The following ZSWIM6 variants were observed in gnomAD, a reference collection of about 807,000 sequenced individuals.
ZSWIM6 encodes the protein zinc finger SWIM-type containing 6.
ZSWIM6 carries 9 observed loss-of-function variants against 113.2 expected under a neutral mutation model. The ratio of observed to expected loss-of-function variants is 0.08; its 90% CI spans 0.05 to 0.14. ZSWIM6 has a LOEUF of 0.14. Ranked by LOEUF, ZSWIM6 falls within the 10% of genes least tolerant of loss-of-function variation. The probability of loss-of-function intolerance (pLI) is 1.00; values close to 1 mark genes in which losing one functional copy is unlikely to be tolerated. For missense variants in ZSWIM6, 1,162 were observed against 1,552.2 expected (o/e 0.75, Z 4.22); for synonymous variants, 611 against 606.5 (o/e 1.01, Z -0.11).
intron 2 of ZSWIM6, among the ~76,000 whole-genome samples, chr5:61,480,220 A>T (rs900901746): frequency 6.6e-6 from 1 of 152,226 alleles, no homozygotes; most frequent in Non-Finnish European, 1.5e-5. Context: ...TTATTTCTGT[A>T]CATGAATACG....
chr5:61,520,928 A>G (rs1192687986), intron 4 of ZSWIM6, among the ~76,000 whole-genome samples: 1 of 152,124 alleles, frequency 6.6e-6, no homozygotes, highest in African/African-American at 2.4e-5. Flanking sequence ...GTTGATTACT[A>G]TTGGCATTTG....
intron 1 of ZSWIM6, among the ~76,000 whole-genome samples, chr5:61,373,858 G>T (rs1248514334): frequency 1.3e-5 from 2 of 152,040 alleles, no homozygotes; most frequent in Admixed American, 1.3e-4. Flanking sequence ...ATAGGATGTA[G>T]TAGAAATGAA....
At chr5:61,470,173 C>T (rs940133594) in intron 1 of ZSWIM6, among the ~76,000 whole-genome samples, 1 of 152,196 alleles carries the variant, frequency 6.6e-6, no homozygotes, top group African/African-American at 2.4e-5. Flanking sequence ...TCCAATATCA[C>T]TTTTGCAGAG....
chr5:61,399,738 C>A (rs764591455), intron 1 of ZSWIM6, among the ~76,000 whole-genome samples: 9 of 152,190 alleles, frequency 5.9e-5, no homozygotes, highest in Non-Finnish European at 1.2e-4. Context: ...ATTTCTACTT[C>A]CCACGTCTGA....
At chr5:61,390,629 C>G (rs1745687160) in intron 1 of ZSWIM6, 3 of 714,330 alleles carry the variant, frequency 4.2e-6, no homozygotes, top group Non-Finnish European at 7.6e-6. Context: ...TGGAAAATAA[C>G]TTTTAAGACC....
rs1748054773 is a variant in ZSWIM6 at position 61,487,574 on chromosome 5, T to C, written c.1034-3212T>C. Among the ~76,000 whole-genome samples the C allele has an allele frequency of 2.0e-5, 3 of 152,046 alleles. No individual in the cohort carries two copies. The South Asian group carries it at 6.2e-4, about 32-fold the overall frequency. ...TCATCTTTAATTTCATTCATCACTG[T>C]TTTATAGTTTTTTTGTAGAAATATT... On this transcript the variant is annotated intron_variant, in intron 2 of 13. Transcript: ENST00000252744.
rs1008860860 is a variant in ZSWIM6 at position 61,544,650 on chromosome 5, G to A, written c.*333G>A. On this transcript the variant is annotated 3_prime_UTR_variant, in exon 14 of 14. Coordinates refer to ENST00000252744, the MANE Select transcript of ZSWIM6 (RefSeq NM_020928.2). ...CATAGCTCTCCTGTTTTCTGTATAC[G>A]TTCACAGCCTCAAAAAAAATAATTG... 1.4e-4 allele frequency: 21 copies of A among 154,240 alleles called. No homozygotes were observed. The highest frequency in any genetic ancestry group is 9.2e-4 in the Admixed American group (14 of 15,268). 9.6% of individuals were successfully genotyped at this position (154,240 alleles called of 1,614,324 possible). A position where few individuals can be genotyped will look rare whatever the true frequency, so the allele number is the denominator to read the frequency against.
chr5:61,362,428 C>T (rs775743138), intron 1 of ZSWIM6, among the ~76,000 whole-genome samples: 1 of 152,118 alleles, frequency 6.6e-6, no homozygotes, highest in Admixed American at 6.6e-5. Flanking sequence ...TAACTCCTGA[C>T]CTCAGGTGAT....
chr5:61,361,763 G>T (rs1395103191), intron 1 of ZSWIM6, among the ~76,000 whole-genome samples: 1 of 152,152 alleles, frequency 6.6e-6, no homozygotes, highest in East Asian at 1.9e-4. Context: ...AGGCAACCCT[G>T]TTATTCTATT....
At chr5:61,520,640 T>C (rs1176919949) in intron 4 of ZSWIM6, among the ~76,000 whole-genome samples, 2 of 152,184 alleles carry the variant, frequency 1.3e-5, no homozygotes, top group African/African-American at 4.8e-5. Flanking sequence ...TGGCTTTTTT[T>C]TGCCCCAAAC....
intron 1 of ZSWIM6, chr5:61,390,963 G>A (rs1745695341): frequency 2.6e-6 from 2 of 760,256 alleles, no homozygotes; most frequent in African/African-American, 1.7e-5. Flanking sequence ...CATAGTCAGT[G>A]GAGGCATTGT....
At chr5:61,509,723 T>C (rs767032059) in intron 4 of ZSWIM6, among the ~76,000 whole-genome samples, 15 of 152,036 alleles carry the variant, frequency 9.9e-5, no homozygotes, top group Non-Finnish European at 1.3e-4. Context: ...AAAGGAGAAA[T>C]TGAAATGTGT....
chr5:61,432,591 G>A (rs1746610101), intron 1 of ZSWIM6, among the ~76,000 whole-genome samples: 1 of 152,176 alleles, frequency 6.6e-6, no homozygotes, highest in African/African-American at 2.4e-5. Flanking sequence ...TATGTCAGAT[G>A]GGAATCATAT....
At chr5:61,394,704 G>T (rs1745803689) in intron 1 of ZSWIM6, among the ~76,000 whole-genome samples, 1 of 152,194 alleles carries the variant, frequency 6.6e-6, no homozygotes. Flanking sequence ...AATTAACAAG[G>T]CAAATACTGT....
At position 61,375,124 on chromosome 5, in the gene ZSWIM6, G is replaced by A. The variant is rs573336741; in HGVS notation, c.676+42176G>A. On this transcript the variant is annotated intron_variant, in intron 1 of 13. Coordinates refer to ENST00000252744, the MANE Select transcript of ZSWIM6 (RefSeq NM_020928.2). ...GCGATCCAGCACCATGGGGAAGCGG[G>A]ACAATCGGGTGGCCTATATGAACCC... 1.9e-6 allele frequency: 3 copies of A among 1,610,654 alleles called. No homozygotes were observed. In the East Asian group the frequency reaches 6.7e-5, roughly 36 times the overall value.
At chr5:61,515,023 T>C (rs1039095618) in intron 4 of ZSWIM6, among the ~76,000 whole-genome samples, 2 of 152,216 alleles carry the variant, frequency 1.3e-5, no homozygotes, top group African/African-American at 4.8e-5. Context: ...ACTGCAAATT[T>C]AATTTCTTTA....
chr5:61,337,140 AGCGGTTGCGGGCGTCTGTAATCCC>A (rs1272092067), intron 1 of ZSWIM6, among the ~76,000 whole-genome samples: 1 of 151,958 alleles, frequency 6.6e-6, no homozygotes, highest in Non-Finnish European at 1.5e-5. Flanking sequence ...AATTAGCCAG[AGCGGTTGCGGGCGTCTGTAATCCC>A]GCCGCTCGGG....
At chr5:61,497,426 A>G (rs748388235) in intron 4 of ZSWIM6, among the ~76,000 whole-genome samples, 36 of 152,134 alleles carry the variant, frequency 2.4e-4, no homozygotes, top group Admixed American at 6.6e-4. Flanking sequence ...CACAGGCCCA[A>G]TTTCTTCCCC....
chr5:61,387,752 C>CA (rs1037248399), intron 1 of ZSWIM6, among the ~76,000 whole-genome samples: 17 of 150,188 alleles, frequency 1.1e-4, no homozygotes, highest in Admixed American at 3.3e-4. Flanking sequence ...ATTAAAAATA[C>CA]AAAAAAAAAT....
Sources: gnomAD v4.1 joint callset for allele counts (sites outside exome capture counted in the v4.1 genomes callset) on GRCh38, gnomAD v4.1.1 for gene constraint, MANE v1.5 for transcripts, NCBI Gene and HGNC (gene_info 2026-07-23, HGNC 2026-07-21) for gene names.